The following RAB11A variants were observed in gnomAD, a reference collection of about 807,000 sequenced individuals.
RAB11A encodes RAB11A, member RAS oncogene family.
RAB11A carries 9 observed loss-of-function variants against 28.0 expected under a neutral mutation model. The observed-to-expected ratio is 0.32, with a 90% CI of 0.19 to 0.56. The LOEUF (loss-of-function observed/expected upper bound fraction) is 0.56. RAB11A is among the 20% of genes least tolerant of loss of function. RAB11A has a pLI of 0.91. For synonymous variants in RAB11A, 85 were observed against 88.2 expected, an observed-to-expected ratio of 0.96 and a Z score of 0.20; for missense variants, 108 against 269.6, an observed-to-expected ratio of 0.40 and a Z score of 4.20.
rs774461473 is a variant in RAB11A, at chr15:65,887,687, C to T, written c.512-14C>T. 2 of 1,604,486 alleles carry T rather than the reference C, an allele frequency of 1.2e-6. No homozygotes were observed. Among genetic ancestry groups the T allele is most frequent in the Admixed American group, 3.4e-5 (2 of 58,578 alleles). On this transcript the variant is annotated splice_polypyrimidine_tract_variant and intron_variant, in intron 4 of 4. Transcript: ENST00000261890. ...TTATTCACACTAAGTATTGTGGTTTCTTTTTTCCTTCAGAGATTTACCGCA... is the reference window on the plus strand; with the variant it reads ...TTATTCACACTAAGTATTGTGGTTTTTTTTTTCCTTCAGAGATTTACCGCA...
Position 65,887,883 on chromosome 15 carries a change from C to G in RAB11A, c.*43C>G, listed in dbSNP as rs184230925. 3 of 1,464,522 alleles carry G rather than the reference C, an allele frequency of 2.0e-6. No individual in the cohort carries two copies. The highest frequency in any genetic ancestry group is 5.1e-5 in the Admixed American group (2 of 38,992). 90.7% of individuals were successfully genotyped at this position (1,464,522 alleles called of 1,614,324 possible). ...CTAGAAGGCTGTGTATAGTCCATTT[C>G]CCAGGTCTGAGATTTAAATATATTT... On this transcript the variant is annotated 3_prime_UTR_variant, in exon 5 of 5. Transcript: ENST00000261890.
rs2078269025 is a variant in RAB11A, at chr15:65,888,725, C to G, written c.*885C>G. 6.6e-6 allele frequency: 1 copy of G among 152,538 alleles called. No individual in the cohort carries two copies. Among genetic ancestry groups the G allele is most frequent in the Admixed American group, 6.5e-5 (1 of 15,272 alleles). The allele number at this position is 152,538 out of a possible 1,614,324, so 9.4% of individuals were successfully genotyped here. A position where few individuals can be genotyped will look rare whatever the true frequency, so the allele number is the denominator to read the frequency against. On this transcript the variant is annotated 3_prime_UTR_variant, in exon 5 of 5. Transcript: ENST00000261890. The stretch of plus-strand genomic sequence containing the variant: ...TGAAGTGTTAATTTTGTCTTAGAAC[C>G]TTCCAGTAAGTGAAATACAACCTAG...
chr15:65,874,061 GTAAAT>G (rs796926759), intron 1 of RAB11A, among the ~76,000 whole-genome samples: 11 of 152,306 alleles, frequency 7.2e-5, no homozygotes, highest in African/African-American at 2.6e-4. Flanking sequence ...TTTTAGTCCA[GTAAAT>G]TAGTTTGCAA....
At position 65,889,957 on chromosome 15, in the gene RAB11A, CAAGA is replaced by C. The variant is rs939583356; in HGVS notation, c.*2120_*2123del. ...ATCTTAGGAGACAAACTGTCTCAAG[CAAGA>C]AACAATAAATTTTTAAATATTATGA... is the stretch of plus-strand genomic sequence containing the variant. On this transcript the variant is annotated 3_prime_UTR_variant, in exon 5 of 5. Transcript: ENST00000261890. The C allele has an allele frequency of 2.0e-5, 3 of 151,972 alleles. No homozygotes were observed. The highest frequency in any genetic ancestry group is 7.2e-5 in the African/African-American group (3 of 41,408). 9.4% of individuals were successfully genotyped at this position (151,972 alleles called of 1,614,324 possible).
rs1316162237 is a variant in RAB11A, at chr15:65,885,543, A to G, written c.512-2158A>G. 3.9e-5 allele frequency among the ~76,000 whole-genome samples: 6 copies of G among 152,230 alleles called. No individual in the cohort carries two copies. The East Asian group carries it at 1.2e-3, about 29-fold the overall frequency. On this transcript the variant is annotated intron_variant, in intron 4 of 4. Transcript: ENST00000261890. Reference sequence around the variant, plus strand: ...CAAGATCCATTTAAAGATCACATGTATAGGAGCCAAGGGAAGTGTCCCTAT... The same window carrying G: ...CAAGATCCATTTAAAGATCACATGTGTAGGAGCCAAGGGAAGTGTCCCTAT...
intron 3 of RAB11A, among the ~76,000 whole-genome samples, chr15:65,879,034 C>T (rs2078205622): frequency 1.3e-5 from 2 of 149,322 alleles, no homozygotes; most frequent in Non-Finnish European, 3.0e-5. Flanking sequence ...CACTCTGTGA[C>T]CCATTCTGGA....
rs12438510 is a variant in RAB11A at position 65,877,726 on chromosome 15, G to T, written c.237-36G>T. On this transcript the variant is annotated intron_variant, in intron 2 of 4. Coordinates refer to ENST00000261890, the MANE Select transcript of RAB11A (RefSeq NM_004663.5). This position sits in a 1 kb window ranked among gnomAD's most constrained non-coding sequence, Gnocchi z 4.1. ...TCTTCCTGGTGTTTGCTTCCATCTT[G>T]TGGTTTTCTGATACTAAATATGTTT... 6 of 1,500,928 alleles carry T rather than the reference G, an allele frequency of 4.0e-6. No individual in the cohort carries two copies. Among genetic ancestry groups the T allele is most frequent in the Middle Eastern group, 1.8e-4 (1 of 5,696 alleles). The allele number at this position is 1,500,928 out of a possible 1,614,324, so 93.0% of individuals were successfully genotyped here. A position where few individuals can be genotyped will look rare whatever the true frequency, so the allele number is the denominator to read the frequency against.
At chr15:65,883,306 CTTTTG>C (rs1475922814) in intron 4 of RAB11A, among the ~76,000 whole-genome samples, 2 of 152,204 alleles carry the variant, frequency 1.3e-5, no homozygotes, top group Non-Finnish European at 2.9e-5. Context: ...GTTCCTCAAT[CTTTTG>C]TTTATTGACC....
At chr15:65,873,060 C>T (rs545179435) in intron 1 of RAB11A, among the ~76,000 whole-genome samples, 4 of 152,224 alleles carry the variant, frequency 2.6e-5, no homozygotes, top group East Asian at 3.9e-4. Context: ...TAATGTGGGG[C>T]GAGCAGGACA....
chr15:65,874,947 C>A (rs2078183239), intron 1 of RAB11A, among the ~76,000 whole-genome samples: 1 of 152,150 alleles, frequency 6.6e-6, no homozygotes, highest in Non-Finnish European at 1.5e-5. Context: ...ACTAGGGAGG[C>A]TGAGGTGGGA....
At chr15:65,871,383 A>G (rs1290780058) in intron 1 of RAB11A, among the ~76,000 whole-genome samples, 2 of 152,238 alleles carry the variant, frequency 1.3e-5, no homozygotes, top group African/African-American at 2.4e-5. Context: ...ATGACAGCAT[A>G]CCTTTTGCCG....
At chr15:65,880,282 A>G (rs1309960809) in intron 4 of RAB11A, among the ~76,000 whole-genome samples, 1 of 152,218 alleles carries the variant, frequency 6.6e-6, no homozygotes, top group African/African-American at 2.4e-5. Flanking sequence ...TTTAAAAAGT[A>G]GTTGGAAAGA....
Position 65,889,715 on chromosome 15 carries a change from TA to T in RAB11A, c.*1876del, listed in dbSNP as rs760112742. 1.7e-4 allele frequency: 26 copies of T among 152,218 alleles called. No individual in the cohort carries two copies. Among genetic ancestry groups the T allele is most frequent in the Non-Finnish European group, 3.5e-4 (24 of 68,042 alleles). The allele number at this position is 152,218 out of a possible 1,614,324, so 9.4% of individuals were successfully genotyped here. ...CCAGGAAAAGAAACCATCTCTATTTTATTGAAAGTTGGTGGTAGATTTTTTA... is the reference window on the plus strand; with the variant it reads ...CCAGGAAAAGAAACCATCTCTATTTTTTGAAAGTTGGTGGTAGATTTTTTA... On this transcript the variant is annotated 3_prime_UTR_variant, in exon 5 of 5. Transcript: ENST00000261890.
intron 1 of RAB11A, among the ~76,000 whole-genome samples, chr15:65,872,400 A>T (rs79292250): frequency 6.6e-6 from 1 of 150,958 alleles, no homozygotes; most frequent in Non-Finnish European, 1.5e-5. Context: ...TGTTTAAGAT[A>T]GGGTGTTAAA....
At chr15:65,882,000 G>A (rs1487225896) in intron 4 of RAB11A, among the ~76,000 whole-genome samples, 1 of 151,682 alleles carries the variant, frequency 6.6e-6, no homozygotes, top group Non-Finnish European at 1.5e-5. Flanking sequence ...GCAATGAGCC[G>A]AGATCATGCC....
At position 65,888,088 on chromosome 15, in the gene RAB11A, ATTG is replaced by A. The variant is rs749619434; in HGVS notation, c.*251_*253del. On this transcript the variant is annotated 3_prime_UTR_variant, in exon 5 of 5. Transcript: ENST00000261890. ...AACTGAATGTTTGGATTCCTCAGTTATTGTTTACTTTTCATCATGGAAGCCTGT... is the reference window on the plus strand; with the variant it reads ...AACTGAATGTTTGGATTCCTCAGTTATTTACTTTTCATCATGGAAGCCTGT... 5 of 364,022 alleles carry A rather than the reference ATTG, an allele frequency of 1.4e-5. No homozygotes were observed. Among genetic ancestry groups the A allele is most frequent in the Non-Finnish European group, 2.4e-5 (5 of 205,898 alleles). The allele number at this position is 364,022 out of a possible 1,614,324, so 22.5% of individuals were successfully genotyped here.
Position 65,872,495 on chromosome 15 carries a change from C to T in RAB11A, c.40+2870C>T, listed in dbSNP as rs149303804. On this transcript the variant is annotated intron_variant, in intron 1 of 4. Coordinates refer to ENST00000261890, the MANE Select transcript of RAB11A (RefSeq NM_004663.5). ...TGTTTCCCAGGTTGGAGTGCAATGA[C>T]GCGATCTCGGCTCATTGCAACCTCT... is the stretch of plus-strand genomic sequence containing the variant. 7.0e-3 allele frequency among the ~76,000 whole-genome samples: 1,039 copies of T among 148,576 alleles called. 16 individuals carry two copies. Among genetic ancestry groups the T allele is most frequent in the African/African-American group, 0.024 (984 of 40,190 alleles).
chr15:65,883,659 A>G (rs1038787584), intron 4 of RAB11A, among the ~76,000 whole-genome samples: 14 of 151,936 alleles, frequency 9.2e-5, no homozygotes, highest in African/African-American at 3.1e-4. Context: ...GGTTCAAGCA[A>G]TTCTCGTGTC....
chr15:65,881,901 A>AAC (rs2078225441), intron 4 of RAB11A, among the ~76,000 whole-genome samples: 1 of 138,662 alleles, frequency 7.2e-6, no homozygotes, highest in Non-Finnish European at 1.5e-5. Context: ...AAAAAAAAAA[A>AAC]CACAAAAAAA....
Sources: gnomAD v4.1 joint callset for allele counts (sites outside exome capture counted in the v4.1 genomes callset) on GRCh38, gnomAD v4.1.1 for gene constraint, Gnocchi (gnomAD v3.1) non-coding constraint, MANE v1.5 for transcripts, NCBI Gene and HGNC (gene_info 2026-07-23, HGNC 2026-07-21) for gene names.